GLRB: variants seen among roughly 807,000 people sequenced by gnomAD.
GLRB encodes glycine receptor subunit beta.
Under a neutral mutation model 54.2 loss-of-function variants are expected in GLRB, and 33 were observed. That is an observed-to-expected ratio of 0.61 (90% CI 0.46 to 0.81). The LOEUF is 0.81. Among genes scored for constraint, GLRB ranks in the 40% least tolerant of loss-of-function variants. The pLI, the probability that GLRB is intolerant of heterozygous loss-of-function variation, is 0.00. For missense variants in GLRB, 572 were observed against 584.6 expected (o/e 0.98, Z 0.22); for synonymous variants, 209 against 208.2 (o/e 1.00, Z -0.03).
At chr4:157,122,078 A>T (rs1473738516) in intron 3 of GLRB, among the ~76,000 whole-genome samples, 9 of 149,338 alleles carry the variant, frequency 6.0e-5, no homozygotes, top group Non-Finnish European at 1.2e-4. Flanking sequence ...ACAATTTAAG[A>T]CATAATTCTT....
At chr4:157,119,129 G>A (rs1735710714) in intron 2 of GLRB, among the ~76,000 whole-genome samples, 1 of 151,634 alleles carries the variant, frequency 6.6e-6, no homozygotes, top group African/African-American at 2.4e-5. Context: ...AAACAATGCA[G>A]ATTTTCCTCT....
intron 9 of GLRB, among the ~76,000 whole-genome samples, chr4:157,157,245 T>C (rs573107637): frequency 1.5e-4 from 23 of 152,320 alleles, no homozygotes; most frequent in African/African-American, 4.6e-4. Context: ...ACAGACACTA[T>C]GGCAGGGATC....
chr4:157,121,345 T>C (rs1364547632), intron 3 of GLRB, among the ~76,000 whole-genome samples: 1 of 151,624 alleles, frequency 6.6e-6, no homozygotes, highest in Non-Finnish European at 1.5e-5. Flanking sequence ...TTTGTACTTT[T>C]GATGAATTAG....
intron 2 of GLRB, among the ~76,000 whole-genome samples, chr4:157,079,985 C>G (rs543142843): frequency 2.0e-5 from 3 of 152,128 alleles, no homozygotes; most frequent in African/African-American, 7.2e-5. Context: ...ACCCACCCCC[C>G]ATCCTACATC....
At position 157,081,850 on chromosome 4, in the gene GLRB, A is replaced by G. The variant is rs563848172; in HGVS notation, c.122+3704A>G. Among the ~76,000 whole-genome samples, 4 of 152,278 alleles carry G rather than the reference A, an allele frequency of 2.6e-5. No individual in the cohort carries two copies. The East Asian group carries it at 5.8e-4, about 22-fold the overall frequency. ...TATTGAGAACACTTTAAAGGACACC[A>G]TAGTGTTCTGGATAAGGTGGAAATT... On this transcript the variant is annotated intron_variant, in intron 2 of 9. Coordinates refer to ENST00000264428, the MANE Select transcript of GLRB (RefSeq NM_000824.5).
At chr4:157,111,729 G>C (rs114575561) in intron 2 of GLRB, among the ~76,000 whole-genome samples, 2,987 of 151,996 alleles carry the variant, frequency 0.02, 77 homozygotes, top group African/African-American at 0.066. Context: ...ATCACTCTTA[G>C]GGAAACAGAC....
intron 4 of GLRB, among the ~76,000 whole-genome samples, chr4:157,127,142 T>G (rs2126544682): frequency 6.6e-6 from 1 of 151,854 alleles, no homozygotes; most frequent in Admixed American, 6.6e-5. Context: ...TAAAACAATT[T>G]TATTTTATAT....
intron 2 of GLRB, among the ~76,000 whole-genome samples, chr4:157,100,974 G>T (rs1735001686): frequency 6.6e-6 from 1 of 152,140 alleles, no homozygotes; most frequent in Admixed American, 6.5e-5. Flanking sequence ...TGGGCTGAGA[G>T]AAATGCCTGG....
At position 157,152,907 on chromosome 4, in the gene GLRB, C is replaced by T. The variant is rs954586979; in HGVS notation, c.1094C>T (p.Ala365Val). The T allele has an allele frequency of 1.2e-6, 2 of 1,613,734 alleles. No homozygotes were observed. The highest frequency in any genetic ancestry group is 1.3e-5 in the African/African-American group (1 of 74,866). The change falls in exon 9 of 10, where the codon GCC becomes GTC. Residue 365 changes from alanine (A) to valine (V), a missense_variant. Transcript: ENST00000264428. Reference sequence around the variant, plus strand: ...CCCAAAAGGGTTGAAGCTGAAAAAGCCAGAATTGCTAAGGCTGAGCAAGCA... The same window carrying T: ...CCCAAAAGGGTTGAAGCTGAAAAAGTCAGAATTGCTAAGGCTGAGCAAGCA... ...NNPKRVEAEK[A>V]RIAKAEQADG...
intron 2 of GLRB, among the ~76,000 whole-genome samples, chr4:157,106,094 C>T (rs1327352429): frequency 6.6e-6 from 1 of 151,954 alleles, no homozygotes; most frequent in African/African-American, 2.4e-5. Context: ...TGATGAATTT[C>T]CTCAGCTATT....
rs1435642952 is a variant in GLRB, at chr4:157,171,606, G to A, written c.*878G>A. ...TTTACATCATTTTTAAGAAACCAAG[G>A]GGAAGTAATAAGTTGAAAAAGAAAT... On this transcript the variant is annotated 3_prime_UTR_variant, in exon 10 of 10. Coordinates refer to ENST00000264428, the MANE Select transcript of GLRB (RefSeq NM_000824.5). 6.6e-6 allele frequency: 1 copy of A among 151,904 alleles called. No homozygotes were observed. The allele number at this position is 151,904 out of a possible 1,614,324, so 9.4% of individuals were successfully genotyped here.
At chr4:157,123,415 A>G (rs1219117569) in intron 4 of GLRB, among the ~76,000 whole-genome samples, 2 of 151,776 alleles carry the variant, frequency 1.3e-5, no homozygotes, top group Non-Finnish European at 2.9e-5. Flanking sequence ...TTAATTAATG[A>G]CACCTATTTT....
chr4:157,104,373 A>G (rs1735145304), intron 2 of GLRB, among the ~76,000 whole-genome samples: 1 of 152,048 alleles, frequency 6.6e-6, no homozygotes, highest in Non-Finnish European at 1.5e-5. Flanking sequence ...TGATTTCTGT[A>G]TGTTGAACTA....
intron 2 of GLRB, among the ~76,000 whole-genome samples, chr4:157,101,662 C>T (rs535023038): frequency 6.6e-6 from 1 of 152,004 alleles, no homozygotes. Flanking sequence ...CCTTCAACTG[C>T]ATCTTCTGTA....
chr4:157,126,624 G>A (rs1174735117), intron 4 of GLRB, among the ~76,000 whole-genome samples: 2 of 151,826 alleles, frequency 1.3e-5, no homozygotes, highest in African/African-American at 2.4e-5. Flanking sequence ...ACTGAAATAA[G>A]AGTATTCAAA....
chr4:157,163,858 A>G (rs1737612173), intron 9 of GLRB, among the ~76,000 whole-genome samples: 1 of 113,944 alleles, frequency 8.8e-6, no homozygotes, highest in Non-Finnish European at 1.7e-5. Flanking sequence ...GTGTGTTTTA[A>G]TATAATGTCC....
Position 157,122,360 on chromosome 4 carries a change from T to A in GLRB, c.260T>A (p.Phe87Tyr), listed in dbSNP as rs1436787652. The change falls in exon 4 of 10, where the codon TTT becomes TAT. Residue 87 changes from phenylalanine to tyrosine, a missense_variant. By Grantham distance (22) the Phe-to-Tyr change is conservative. Transcript: ENST00000264428. ...CCTGTTGATGTAGTAGTCAACATTT[T>A]TATTAACAGTTTTGGATCCATTCAA... ...GIPVDVVVNI[F>Y]INSFGSIQET... 7.7e-7 allele frequency: 1 copy of A among 1,306,670 alleles called. No homozygotes were observed. The highest frequency in any genetic ancestry group is 1.7e-5 in the Admixed American group (1 of 58,370). 80.9% of individuals were successfully genotyped at this position (1,306,670 alleles called of 1,614,324 possible). A position where few individuals can be genotyped will look rare whatever the true frequency, so the allele number is the denominator to read the frequency against.
intron 9 of GLRB, among the ~76,000 whole-genome samples, chr4:157,161,457 AGTGGCTG>A (rs1195303578): frequency 6.6e-6 from 1 of 152,170 alleles, no homozygotes; most frequent in Non-Finnish European, 1.5e-5. Flanking sequence ...ATGTTTTTGC[AGTGGCTG>A]GTACAGGTTG....
intron 7 of GLRB, among the ~76,000 whole-genome samples, chr4:157,140,971 A>C (rs1736588073): frequency 6.6e-6 from 1 of 152,026 alleles, no homozygotes; most frequent in South Asian, 2.1e-4. Context: ...ACATTAAAAA[A>C]AATCTCCATT....
Sources: allele counts gnomAD v4.1 joint callset (sites outside exome capture counted in the v4.1 genomes callset), GRCh38; gene constraint gnomAD v4.1.1; transcripts MANE v1.5; gene names NCBI Gene and HGNC (gene_info 2026-07-23, HGNC 2026-07-21).